The following NSMCE2 variants were observed in gnomAD, a reference collection of about 807,000 sequenced individuals.
The protein encoded by NSMCE2 is NSE2 SUMO ligase component of SMC5/6 complex.
A neutral mutation model predicts 23.8 loss-of-function variants in NSMCE2; 24 were observed. The ratio of observed to expected loss-of-function variants is 1.01; its 90% CI spans 0.73 to 1.42. The LOEUF is 1.42. Among genes scored for constraint, NSMCE2 ranks in the 40% most tolerant of loss-of-function variants. The pLI is 0.00. For synonymous variants in NSMCE2, 92 were observed against 94.1 expected, an observed-to-expected ratio of 0.98 and a Z score of 0.13; for missense variants, 284 against 296.5, an observed-to-expected ratio of 0.96 and a Z score of 0.31.
At chr8:125,136,269 A>G (rs1166718801) in intron 3 of NSMCE2, among the ~76,000 whole-genome samples, 1 of 152,178 alleles carries the variant, frequency 6.6e-6, no homozygotes, top group East Asian at 1.9e-4. Flanking sequence ...TATTAGAGGG[A>G]AAAGAAAAGA....
intron 5 of NSMCE2, among the ~76,000 whole-genome samples, chr8:125,315,044 G>A (rs1829125964): frequency 6.6e-6 from 1 of 152,108 alleles, no homozygotes; most frequent in Non-Finnish European, 1.5e-5. Flanking sequence ...CACATAAGGC[G>A]AAACAGACAC....
chr8:125,297,523 G>A (rs562705903), intron 5 of NSMCE2, among the ~76,000 whole-genome samples: 16 of 152,192 alleles, frequency 1.1e-4, no homozygotes, highest in African/African-American at 3.4e-4. Flanking sequence ...TCTGGAATGA[G>A]ACACAGTAAA....
intron 3 of NSMCE2, among the ~76,000 whole-genome samples, chr8:125,108,476 T>C (rs1224511180): frequency 6.6e-6 from 1 of 152,252 alleles, no homozygotes; most frequent in Admixed American, 6.5e-5. Context: ...GTCCTAACTC[T>C]GTCATAAGTT....
intron 3 of NSMCE2, among the ~76,000 whole-genome samples, chr8:125,107,610 G>A (rs1004696750): frequency 4.6e-5 from 7 of 152,056 alleles, no homozygotes; most frequent in Non-Finnish European, 1.0e-4. Context: ...TTTTTGCTAA[G>A]GCACCAGCAG....
intron 5 of NSMCE2, among the ~76,000 whole-genome samples, chr8:125,336,929 A>G (rs895561016): frequency 6.6e-6 from 1 of 152,246 alleles, no homozygotes; most frequent in African/African-American, 2.4e-5. Flanking sequence ...AACTATGGGA[A>G]TCTTCTCCTC....
chr8:125,176,062 G>A (rs982632595), intron 4 of NSMCE2, among the ~76,000 whole-genome samples: 14 of 152,146 alleles, frequency 9.2e-5, no homozygotes, highest in Non-Finnish European at 1.9e-4. Flanking sequence ...AGGGGTGTTG[G>A]GTTCTAATTA....
intron 5 of NSMCE2, among the ~76,000 whole-genome samples, chr8:125,314,287 GT>G (rs1172889831): frequency 7.3e-6 from 1 of 137,434 alleles, no homozygotes; most frequent in East Asian, 2.0e-4. Context: ...GTTTTGTTTT[GT>G]TTTGTTTTTG....
chr8:125,285,543 A>G (rs1475488630), intron 5 of NSMCE2, among the ~76,000 whole-genome samples: 1 of 152,134 alleles, frequency 6.6e-6, no homozygotes, highest in Non-Finnish European at 1.5e-5. Flanking sequence ...AGGGTTTTGA[A>G]GACTGACATA....
At chr8:125,317,477 G>T (rs138382259) in intron 5 of NSMCE2, among the ~76,000 whole-genome samples, 1 of 152,108 alleles carries the variant, frequency 6.6e-6, no homozygotes, top group African/African-American at 2.4e-5. Context: ...GATTACAGGC[G>T]TGCACCACCA....
intron 5 of NSMCE2, among the ~76,000 whole-genome samples, chr8:125,250,132 G>A (rs1472575699): frequency 6.6e-6 from 1 of 152,068 alleles, no homozygotes; most frequent in Non-Finnish European, 1.5e-5. Context: ...TGGTACTACA[G>A]TCATGCACCA....
intron 5 of NSMCE2, among the ~76,000 whole-genome samples, chr8:125,342,945 C>T (rs1046678780): frequency 4.6e-5 from 7 of 152,120 alleles, no homozygotes; most frequent in Admixed American, 3.3e-4. Context: ...TAATATCTTC[C>T]GGATTGAATA....
At chr8:125,201,106 G>A (rs907736547) in intron 5 of NSMCE2, among the ~76,000 whole-genome samples, 4 of 152,072 alleles carry the variant, frequency 2.6e-5, no homozygotes, top group Admixed American at 6.5e-5. Context: ...CCTTGTGATG[G>A]GTTAGAACAT....
chr8:125,350,725 G>A (rs977402704), intron 5 of NSMCE2, among the ~76,000 whole-genome samples: 1 of 152,314 alleles, frequency 6.6e-6, no homozygotes, highest in Non-Finnish European at 1.5e-5. Context: ...CACAAGAACA[G>A]CATGGGAAAG....
At chr8:125,144,499 G>A (rs1390234739) in intron 3 of NSMCE2, among the ~76,000 whole-genome samples, 3 of 152,174 alleles carry the variant, frequency 2.0e-5, no homozygotes, top group Non-Finnish European at 4.4e-5. Context: ...GCTGGAACTG[G>A]CGCCGGATAA....
intron 5 of NSMCE2, among the ~76,000 whole-genome samples, chr8:125,290,470 T>C (rs1828067021): frequency 6.6e-6 from 1 of 152,192 alleles, no homozygotes; most frequent in Non-Finnish European, 1.5e-5. Flanking sequence ...CTTGCATTTT[T>C]TTTTTCTTTC....
intron 5 of NSMCE2, among the ~76,000 whole-genome samples, chr8:125,289,155 C>T (rs1479556270): frequency 6.6e-6 from 1 of 152,224 alleles, no homozygotes; most frequent in East Asian, 1.9e-4. Context: ...AAACTTACCA[C>T]ATCCTCAATA....
At chr8:125,289,427 C>G (rs574871037) in intron 5 of NSMCE2, among the ~76,000 whole-genome samples, 1 of 152,324 alleles carries the variant, frequency 6.6e-6, no homozygotes, top group South Asian at 2.1e-4. Flanking sequence ...TGCTTATTCT[C>G]TTGGACTCAG....
intron 5 of NSMCE2, among the ~76,000 whole-genome samples, chr8:125,328,009 A>C (rs975464486): frequency 6.6e-6 from 1 of 152,204 alleles, no homozygotes; most frequent in African/African-American, 2.4e-5. Flanking sequence ...ATTATGGGTG[A>C]GGTTTTCTAG....
intron 3 of NSMCE2, among the ~76,000 whole-genome samples, chr8:125,147,792 C>A (rs1351118744): frequency 6.6e-6 from 1 of 152,026 alleles, no homozygotes; most frequent in Non-Finnish European, 1.5e-5. Flanking sequence ...TCCCTTTTTC[C>A]CCCTCCAAAG....
Sources: allele counts gnomAD v4.1 joint callset (sites outside exome capture counted in the v4.1 genomes callset), GRCh38; gene constraint gnomAD v4.1.1; transcripts MANE v1.5; gene names NCBI Gene and HGNC (gene_info 2026-07-23, HGNC 2026-07-21).